Variants in THSD7B observed in about 807,000 individuals in gnomAD.
THSD7B encodes thrombospondin type-1 domain-containing protein 7B.
Under a neutral mutation model 213.6 loss-of-function variants are expected in THSD7B, and 138 were observed. That is an observed-to-expected ratio of 0.65 (90% CI 0.56 to 0.74). The LOEUF (loss-of-function observed/expected upper bound fraction) is 0.74, where lower values mean the gene tolerates loss of function less well. THSD7B is among the 30% of genes least tolerant of loss of function. The probability of loss-of-function intolerance (pLI) is 0.00; values close to 1 mark genes in which losing one functional copy is unlikely to be tolerated. For synonymous variants in THSD7B, 742 were observed against 687.0 expected, an observed-to-expected ratio of 1.08 and a Z score of -1.25; for missense variants, 1,931 against 1,991.5, an observed-to-expected ratio of 0.97 and a Z score of 0.58.
chr2:137,398,599 G>T (rs1342836998), intron 12 of THSD7B, among the ~76,000 whole-genome samples: 6 of 151,824 alleles, frequency 4.0e-5, no homozygotes, highest in African/African-American at 1.5e-4. Context: ...AGTCTGCAGA[G>T]GTTACTGCTG....
chr2:137,359,865 C>A (rs540319829), intron 12 of THSD7B, among the ~76,000 whole-genome samples: 8 of 152,274 alleles, frequency 5.3e-5, no homozygotes, highest in African/African-American at 1.7e-4. Flanking sequence ...TTCACAAACA[C>A]ATACAGGCTC....
intron 12 of THSD7B, among the ~76,000 whole-genome samples, chr2:137,355,000 G>A (rs941444398): frequency 1.3e-5 from 2 of 152,080 alleles, no homozygotes; most frequent in Non-Finnish European, 2.9e-5. Flanking sequence ...CATAGAAATG[G>A]CAAAGTAAAC....
Position 137,056,609 on chromosome 2 carries a change from A to T in THSD7B, c.329A>T (p.Asp110Val). The change falls in exon 3 of 28, where the codon GAC (aspartate) becomes GTC (valine). Residue 110 changes from aspartate to valine, a missense_variant. By Grantham distance (152) the Asp-to-Val change is radical. Transcript: ENST00000409968. The stretch of plus-strand genomic sequence containing the variant: ...GACCTCTTTCAGTGGGAGGTTTCTG[A>T]CTGGCACCACTGTGTGCTTGTTCCT... ...HSDLFQWEVS[D>V]WHHCVLVPYA... 1.2e-6 allele frequency: 2 copies of T among 1,613,936 alleles called. No individual in the cohort carries two copies. Among genetic ancestry groups the T allele is most frequent in the Non-Finnish European group, 8.5e-7 (1 of 1,179,874 alleles).
chr2:137,292,401 A>C (rs1463566877), intron 12 of THSD7B, among the ~76,000 whole-genome samples: 1 of 152,180 alleles, frequency 6.6e-6, no homozygotes, highest in African/African-American at 2.4e-5. Context: ...GCAAACTCAC[A>C]GTTCAATTCT....
intron 4 of THSD7B, among the ~76,000 whole-genome samples, chr2:137,106,438 C>T (rs1688252656): frequency 2.0e-5 from 3 of 151,918 alleles, no homozygotes; most frequent in African/African-American, 7.2e-5. Flanking sequence ...AAAACTATAA[C>T]ACCCTGGAAG....
chr2:137,215,429 T>G, intron 7 of THSD7B, among the ~76,000 whole-genome samples: 1 of 152,124 alleles, frequency 6.6e-6, no homozygotes, highest in East Asian at 1.9e-4. Flanking sequence ...GTTCTAAAAC[T>G]GTGATAATCA....
At chr2:137,553,838 G>A (rs1049635646) in intron 15 of THSD7B, among the ~76,000 whole-genome samples, 4 of 152,092 alleles carry the variant, frequency 2.6e-5, no homozygotes, top group East Asian at 1.9e-4. Flanking sequence ...AAACAGCAAC[G>A]TAAAATAGGC....
intron 2 of THSD7B, among the ~76,000 whole-genome samples, chr2:136,914,061 C>T (rs1684311255): frequency 6.6e-6 from 1 of 152,176 alleles, no homozygotes; most frequent in Non-Finnish European, 1.5e-5. Flanking sequence ...CCTTTAAAGC[C>T]ACTGGGGTGG....
At chr2:137,615,786 C>A (rs1682373155) in intron 17 of THSD7B, among the ~76,000 whole-genome samples, 1 of 151,766 alleles carries the variant, frequency 6.6e-6, no homozygotes, top group South Asian at 2.1e-4. Flanking sequence ...TTGGTCTAGA[C>A]TATCTGAGGT....
intron 12 of THSD7B, among the ~76,000 whole-genome samples, chr2:137,351,401 C>T (rs1270794312): frequency 6.6e-6 from 1 of 151,888 alleles, no homozygotes; most frequent in Non-Finnish European, 1.5e-5. Flanking sequence ...ATTTTTGTGA[C>T]TTTAGGCAAG....
intron 7 of THSD7B, among the ~76,000 whole-genome samples, chr2:137,202,786 A>G (rs748085074): frequency 6.6e-6 from 1 of 152,150 alleles, no homozygotes; most frequent in Non-Finnish European, 1.5e-5. Flanking sequence ...AGTCTCTCCA[A>G]TTACATCTCT....
chr2:136,943,608 G>C (rs1303760604), intron 2 of THSD7B, among the ~76,000 whole-genome samples: 2 of 152,096 alleles, frequency 1.3e-5, no homozygotes, highest in African/African-American at 4.8e-5. Context: ...GTTTAGTCTT[G>C]GGAGGGTGTA....
chr2:136,857,075 G>C (rs1350826584), intron 1 of THSD7B, among the ~76,000 whole-genome samples: 1 of 152,018 alleles, frequency 6.6e-6, no homozygotes, highest in African/African-American at 2.4e-5. Flanking sequence ...CATTTTGACT[G>C]TTTTCATTTC....
intron 3 of THSD7B, among the ~76,000 whole-genome samples, chr2:137,090,638 G>T (rs569521303): frequency 2.0e-5 from 3 of 152,270 alleles, no homozygotes; most frequent in South Asian, 2.1e-4. Flanking sequence ...TGTGACAGGG[G>T]TCAAATTATC....
chr2:136,770,024 A>G (rs1681476599), intron 1 of THSD7B, among the ~76,000 whole-genome samples: 1 of 152,228 alleles, frequency 6.6e-6, no homozygotes, highest in Admixed American at 6.5e-5. Context: ...ACTTGGAAGA[A>G]ACTCATGGCC....
At chr2:137,121,238 C>T (rs1285606905) in intron 5 of THSD7B, among the ~76,000 whole-genome samples, 1 of 152,068 alleles carries the variant, frequency 6.6e-6, no homozygotes, top group Non-Finnish European at 1.5e-5. Flanking sequence ...GTATAATGCA[C>T]CTCATTAAAC....
intron 12 of THSD7B, among the ~76,000 whole-genome samples, chr2:137,371,581 A>T (rs1685536108): frequency 6.6e-6 from 1 of 152,022 alleles, no homozygotes. Flanking sequence ...AGTTTGAATA[A>T]TTTTTTAATG....
chr2:137,031,819 T>C (rs567614373), intron 2 of THSD7B, among the ~76,000 whole-genome samples: 1 of 149,170 alleles, frequency 6.7e-6, no homozygotes, highest in Admixed American at 6.8e-5. Context: ...AACCATGGCA[T>C]GCTTTTCTTT....
intron 2 of THSD7B, among the ~76,000 whole-genome samples, chr2:137,003,338 G>A (rs1686038130): frequency 6.6e-6 from 1 of 152,316 alleles, no homozygotes; most frequent in Middle Eastern, 3.4e-3. Flanking sequence ...AAGAAAAGGT[G>A]TGATTAACTG....
Sources: allele counts gnomAD v4.1 joint callset (sites outside exome capture counted in the v4.1 genomes callset), GRCh38; gene constraint gnomAD v4.1.1; transcripts MANE v1.5; gene names NCBI Gene and HGNC (gene_info 2026-07-23, HGNC 2026-07-21).